Variants in CA10 observed in about 807,000 individuals in gnomAD.
The protein encoded by CA10 is carbonic anhydrase-related protein 10.
CA10 carries 14 observed loss-of-function variants against 44.2 expected under a neutral mutation model. The observed-to-expected ratio is 0.32, with a 90% CI of 0.21 to 0.50. CA10 has a LOEUF of 0.50. Among genes scored for constraint, CA10 ranks in the 20% least tolerant of loss-of-function variants. The pLI, the probability that CA10 is intolerant of heterozygous loss-of-function variation, is 0.99. For synonymous variants in CA10, 159 were observed against 141.6 expected (o/e 1.12, Z -0.87); for missense variants, 350 against 409.7 (o/e 0.85, Z 1.26).
chr17:51,865,712 C>T (rs1273288473), intron 3 of CA10, among the ~76,000 whole-genome samples: 2 of 152,234 alleles, frequency 1.3e-5, no homozygotes, highest in Admixed American at 6.5e-5. Flanking sequence ...TACAGCCCCA[C>T]AGCTCATCAG....
intron 2 of CA10, among the ~76,000 whole-genome samples, chr17:51,955,925 C>G (rs989774980): frequency 1.3e-5 from 2 of 152,034 alleles, no homozygotes; most frequent in East Asian, 3.9e-4. Context: ...AGCAAACCAC[C>G]ATGGCACGTG....
intron 3 of CA10, among the ~76,000 whole-genome samples, chr17:51,831,667 AAGCAGCAGCAGCAGC>A (rs66635963): frequency 0.028 from 3,512 of 127,422 alleles, 99 homozygotes; most frequent in Admixed American, 0.075. Context: ...AGAAAAGAAA[AAGCAGCAGCAGCAGC>A]AGCAGCAGCA....
intron 2 of CA10, among the ~76,000 whole-genome samples, chr17:52,012,021 G>C (rs576861247): frequency 6.6e-6 from 1 of 152,096 alleles, no homozygotes; most frequent in South Asian, 2.1e-4. Flanking sequence ...GGAGGGATTA[G>C]CCAAGGAGAC....
intron 6 of CA10, among the ~76,000 whole-genome samples, chr17:51,648,154 A>G (rs775027134): frequency 6.6e-6 from 1 of 152,224 alleles, no homozygotes; most frequent in Non-Finnish European, 1.5e-5. Flanking sequence ...TGGCAGTCCA[A>G]TGTGAGAGCT....
At chr17:51,713,169 A>T (rs1915997892) in intron 4 of CA10, among the ~76,000 whole-genome samples, 1 of 152,226 alleles carries the variant, frequency 6.6e-6, no homozygotes, top group South Asian at 2.1e-4. Context: ...GAGATGTGGA[A>T]GGATTGGGAG....
intron 3 of CA10, among the ~76,000 whole-genome samples, chr17:51,856,329 A>G (rs544881789): frequency 1.3e-5 from 2 of 151,666 alleles, no homozygotes; most frequent in Admixed American, 6.6e-5. Flanking sequence ...GGGGTCATCC[A>G]CATGAAAACT....
chr17:51,986,109 C>G (rs1197863686), intron 2 of CA10, among the ~76,000 whole-genome samples: 1 of 151,988 alleles, frequency 6.6e-6, no homozygotes, highest in African/African-American at 2.4e-5. Flanking sequence ...TCAGACTATA[C>G]TATAAGGCAA....
intron 4 of CA10, among the ~76,000 whole-genome samples, chr17:51,685,908 T>TG (rs1914992716): frequency 6.6e-6 from 1 of 152,244 alleles, no homozygotes; most frequent in Non-Finnish European, 1.5e-5. Context: ...AGCTCAATGC[T>TG]GGCTGTTGCT....
chr17:51,904,266 T>G (rs1981445733), intron 3 of CA10, among the ~76,000 whole-genome samples: 1 of 152,076 alleles, frequency 6.6e-6, no homozygotes, highest in Admixed American at 6.6e-5. Context: ...GTCGCCTTTG[T>G]TCTCTCCTTT....
At chr17:52,062,065 CTTT>C (rs56369087) in intron 2 of CA10, among the ~76,000 whole-genome samples, 1 of 115,838 alleles carries the variant, frequency 8.6e-6, no homozygotes, top group Non-Finnish European at 1.7e-5. Context: ...GGTGTGGCCA[CTTT>C]TTTTTTTTTT....
intron 3 of CA10, among the ~76,000 whole-genome samples, chr17:51,852,753 T>A (rs1422900290): frequency 6.6e-6 from 1 of 152,152 alleles, no homozygotes; most frequent in Non-Finnish European, 1.5e-5. Context: ...GAATAAGAAC[T>A]CCACTCACAG....
rs1433914720 is a variant in CA10 at position 51,818,737 on chromosome 17, A to G, written c.280-70919T>C. Among the ~76,000 whole-genome samples the G allele has an allele frequency of 3.3e-5, 5 of 152,320 alleles. No individual in the cohort carries two copies. In the East Asian group the frequency reaches 9.6e-4, roughly 29 times the overall value. ...TGGCTTCAGAAAGACCTGGGTTTCCATGGTGCCTCTGCCACTGACAAACCA... is the reference window on the plus strand; with the variant it reads ...TGGCTTCAGAAAGACCTGGGTTTCCGTGGTGCCTCTGCCACTGACAAACCA... On this transcript the variant is annotated intron_variant, in intron 3 of 8. Transcript: ENST00000451037.
chr17:52,043,626 CTT>C (rs1986830888), intron 2 of CA10, among the ~76,000 whole-genome samples: 1 of 151,998 alleles, frequency 6.6e-6, no homozygotes, highest in Admixed American at 6.6e-5. Flanking sequence ...GCATTCCTCT[CTT>C]ATTTCTGATC....
intron 2 of CA10, among the ~76,000 whole-genome samples, chr17:52,041,455 G>A (rs747637221): frequency 6.6e-6 from 1 of 151,986 alleles, no homozygotes; most frequent in Non-Finnish European, 1.5e-5. Flanking sequence ...AGGTATAATT[G>A]ACAAATAAAA....
In CA10 at chr17:52,051,290, T is replaced by C. The variant is rs530112574; in HGVS notation, c.136+21029A>G. 1.1e-4 allele frequency among the ~76,000 whole-genome samples: 16 copies of C among 151,840 alleles called. No individual in the cohort carries two copies. The East Asian group carries it at 1.4e-3, about 13-fold the overall frequency. On this transcript the variant is annotated intron_variant, in intron 2 of 8. Coordinates refer to ENST00000451037, the MANE Select transcript of CA10 (RefSeq NM_020178.5). ...AAAGCAATTGTAGCAAAAACCAAAA[T>C]TGACAAATGGGATCTAATTAAACTA...
intron 3 of CA10, among the ~76,000 whole-genome samples, chr17:51,916,455 T>C (rs1443792029): frequency 8.5e-5 from 13 of 152,152 alleles, no homozygotes; most frequent in African/African-American, 2.4e-4. Flanking sequence ...TGGGAGGTAA[T>C]TGAATCACGG....
intron 1 of CA10, among the ~76,000 whole-genome samples, chr17:52,095,412 T>C (rs1485682495): frequency 6.6e-6 from 1 of 152,134 alleles, no homozygotes. Context: ...TTATGTAGTA[T>C]ATACATGTGT....
intron 4 of CA10, among the ~76,000 whole-genome samples, chr17:51,717,859 A>ACGTG (rs1916214755): frequency 9.8e-6 from 1 of 102,140 alleles, no homozygotes; most frequent in South Asian, 3.2e-4. Context: ...ATATATATAT[A>ACGTG]TATATATATA....
chr17:51,813,505 G>C (rs1339038373), intron 3 of CA10, among the ~76,000 whole-genome samples: 1 of 152,182 alleles, frequency 6.6e-6, no homozygotes, highest in Non-Finnish European at 1.5e-5. Flanking sequence ...ATCAGGACCT[G>C]TTCAGAACTC....
Sources: gnomAD v4.1 joint callset for allele counts (sites outside exome capture counted in the v4.1 genomes callset) on GRCh38, gnomAD v4.1.1 for gene constraint, MANE v1.5 for transcripts, NCBI Gene and HGNC (gene_info 2026-07-23, HGNC 2026-07-21) for gene names.